The following CLOCK variants were observed in gnomAD, a reference collection of about 807,000 sequenced individuals.
The protein encoded by CLOCK is clock circadian regulator, also known as circadian locomoter output cycles protein kaput.
In CLOCK, 43 loss-of-function variants were observed where a neutral mutation model predicts 118.4. The observed-to-expected ratio is 0.36, with a 90% CI of 0.28 to 0.47. CLOCK has a LOEUF of 0.47. Among genes scored for constraint, CLOCK ranks in the 20% least tolerant of loss-of-function variants. CLOCK has a pLI of 1.00. For synonymous variants in CLOCK, 326 were observed against 339.2 expected (o/e 0.96, Z 0.43); for missense variants, 846 against 999.9 (o/e 0.85, Z 2.08).
At chr4:55,513,781 G>T (rs1344397135) in intron 1 of CLOCK, among the ~76,000 whole-genome samples, 1 of 151,942 alleles carries the variant, frequency 6.6e-6, no homozygotes, top group Non-Finnish European at 1.5e-5. Context: ...CCATGAACAT[G>T]TTATTTAGTT....
intron 3 of CLOCK, among the ~76,000 whole-genome samples, chr4:55,486,012 T>C (rs889618054): frequency 5.9e-5 from 9 of 152,224 alleles, no homozygotes; most frequent in African/African-American, 1.9e-4. Context: ...TCTGGTGATA[T>C]GACTTCCCAG....
intron 1 of CLOCK, among the ~76,000 whole-genome samples, chr4:55,543,266 G>C (rs1238151655): frequency 6.6e-6 from 1 of 152,046 alleles, no homozygotes; most frequent in Non-Finnish European, 1.5e-5. Context: ...CATAACAATT[G>C]GCCCCTCACT....
chr4:55,528,420 C>G (rs962752231), intron 1 of CLOCK, among the ~76,000 whole-genome samples: 1 of 152,094 alleles, frequency 6.6e-6, no homozygotes, highest in Non-Finnish European at 1.5e-5. Flanking sequence ...TCATCCCCCC[C>G]TCACTGCCTT....
chr4:55,501,461 AGGCTAGAGTGTGGTGGCC>A, intron 2 of CLOCK: 1 of 151,880 alleles, frequency 6.6e-6, no homozygotes, highest in Non-Finnish European at 1.5e-5. Flanking sequence ...TCTGTCACTC[AGGCTAGAGTGTGGTGGCC>A]TAATCACAGC....
intron 1 of CLOCK, among the ~76,000 whole-genome samples, chr4:55,518,362 C>A (rs530547784): frequency 2.5e-4 from 38 of 152,278 alleles, no homozygotes; most frequent in African/African-American, 8.7e-4. Flanking sequence ...CATAAGAGAT[C>A]TGGCAAAGAT....
chr4:55,453,799 T>C lies in CLOCK; in HGVS notation c.1008A>G (p.Ser336=), dbSNP rs1276328174. The change falls in exon 14 of 23, where the codon TCA becomes TCG. Residue 336 remains serine (S), a synonymous_variant. Transcript: ENST00000513440. Reference sequence around the variant, plus strand: ...CCTTAGTCAGGAACCTATAATAACATGATTTGCCTTTCCCATATTGCATTA... The same window carrying C: ...CCTTAGTCAGGAACCTATAATAACACGATTTGCCTTTCCCATATTGCATTA... The part of the protein sequence containing the change: ...EHLMQYGKGK[S]CYYRFLTKGQ... 1.9e-6 allele frequency: 3 copies of C among 1,607,018 alleles called. No individual in the cohort carries two copies. The highest frequency in any genetic ancestry group is 2.7e-5 in the African/African-American group (2 of 74,820).
At position 55,458,910 on chromosome 4, in the gene CLOCK, A is replaced by T; in HGVS notation, c.774T>A (p.Ala258=). 6.2e-7 allele frequency: 1 copy of T among 1,611,350 alleles called. No individual in the cohort carries two copies. ...AACATACCTTGATGAACTGAGGTGT[A>T]GCTAACCTGACAGTAGCTACAAAAC... ...RVCFVATVRL[A]TPQFIKEMCT... is the part of the protein sequence containing the mutation. Residue 258 remains alanine (A), a synonymous_variant, in exon 11 of 23, where the codon GCT becomes GCA. Transcript: ENST00000513440.
intron 2 of CLOCK, among the ~76,000 whole-genome samples, chr4:55,491,234 TAAAAAAA>T (rs34441416): frequency 1.5e-3 from 66 of 44,366 alleles, no homozygotes; most frequent in African/African-American, 5.1e-3. Context: ...GCAGGTGTGC[TAAAAAAA>T]AAAAAAAAAA....
intron 4 of CLOCK, among the ~76,000 whole-genome samples, chr4:55,481,236 G>T (rs1329226758): frequency 6.6e-6 from 1 of 151,880 alleles, no homozygotes; most frequent in Non-Finnish European, 1.5e-5. Context: ...TGGTGGAGGT[G>T]CATGTATGAA....
chr4:55,431,469 T>A lies in CLOCK; in HGVS notation c.*3946A>T, dbSNP rs1365497296. 1 of 152,244 alleles carries A rather than the reference T, an allele frequency of 6.6e-6. No individual in the cohort carries two copies. Among genetic ancestry groups the A allele is most frequent in the African/African-American group, 2.4e-5 (1 of 41,466 alleles). 9.4% of individuals were successfully genotyped at this position (152,244 alleles called of 1,614,324 possible). A position where few individuals can be genotyped will look rare whatever the true frequency, so the allele number is the denominator to read the frequency against. ...CACCCAATCCAAACTTAAAAGGTTC[T>A]CTTTCTCCAAACACTTAAAATGGCA... On this transcript the variant is annotated 3_prime_UTR_variant, in exon 23 of 23. Coordinates refer to ENST00000513440, the MANE Select transcript of CLOCK (RefSeq NM_004898.4).
At chr4:55,528,198 T>C (rs535584896) in intron 1 of CLOCK, among the ~76,000 whole-genome samples, 11 of 151,846 alleles carry the variant, frequency 7.2e-5, no homozygotes, top group African/African-American at 2.7e-4. Context: ...AATACAAAAT[T>C]AGCCAGGCCT....
intron 1 of CLOCK, among the ~76,000 whole-genome samples, chr4:55,518,677 CA>C (rs1417458418): frequency 6.6e-6 from 1 of 152,180 alleles, no homozygotes; most frequent in Non-Finnish European, 1.5e-5. Flanking sequence ...CCTCCCTTTC[CA>C]TCATGTGAGG....
chr4:55,542,321 G>C (rs188816684), intron 1 of CLOCK, among the ~76,000 whole-genome samples: 1 of 148,194 alleles, frequency 6.7e-6, no homozygotes, highest in Non-Finnish European at 1.5e-5. Context: ...TCCAGCCCGG[G>C]TGACAGAGAG....
At position 55,438,518 on chromosome 4, in the gene CLOCK, G is replaced by A. The variant is rs1336193487; in HGVS notation, c.2125C>T (p.Leu709Phe). 6.2e-7 allele frequency: 1 copy of A among 1,613,458 alleles called. No homozygotes were observed. The highest frequency in any genetic ancestry group is 1.3e-5 in the African/African-American group (1 of 74,906). The change falls in exon 22 of 23, where the codon CTT becomes TTT. Residue 709 changes from leucine to phenylalanine, a missense_variant. Physicochemically the swap from Leu to Phe is conservative, Grantham distance 22 (BLOSUM62 0). Around this residue, in one of 4 missense-constraint regions of CLOCK, gnomAD observed 520 missense variants for 558.0 expected, o/e 0.93. Coordinates refer to ENST00000513440, the MANE Select transcript of CLOCK (RefSeq NM_004898.4). ...GGAGCAGTCACTAATTTGGTCACAAGTTGTTGACCTTGAGAAAATCTGTTA... is the reference window on the plus strand; with the variant it reads ...GGAGCAGTCACTAATTTGGTCACAAATTGTTGACCTTGAGAAAATCTGTTA... Reference protein sequence around the residue: ...RQIRFSQGQQLVTKLVTAPVA... With the variant: ...RQIRFSQGQQFVTKLVTAPVA...
chr4:55,435,623 G>C (rs1478119821), intron 22 of CLOCK, 29 bp from the exon 23 acceptor site: 1 of 1,610,434 alleles, frequency 6.2e-7, no homozygotes, highest in South Asian at 1.1e-5. Flanking sequence ...ATGCAGCATT[G>C]CTTTACTCCC....
In CLOCK at chr4:55,434,229, C is replaced by T. The variant is rs1055500562; in HGVS notation, c.*1186G>A. On this transcript the variant is annotated 3_prime_UTR_variant, in exon 23 of 23. Coordinates refer to ENST00000513440, the MANE Select transcript of CLOCK (RefSeq NM_004898.4). ...AAGGCACTATGGGGTTTTTTCCCCT[C>T]AAATAACCCTGAATCATTTCTGACT... 12 of 152,528 alleles carry T rather than the reference C, an allele frequency of 7.9e-5. No individual in the cohort carries two copies. The highest frequency in any genetic ancestry group is 1.6e-4 in the Non-Finnish European group (11 of 68,016). The allele number at this position is 152,528 out of a possible 1,614,324, so 9.4% of individuals were successfully genotyped here.
rs558489758 is a variant in CLOCK at position 55,506,182 on chromosome 4, T to C, written c.-136+3730A>G. Among the ~76,000 whole-genome samples the C allele has an allele frequency of 2.0e-5, 3 of 152,300 alleles. No homozygotes were observed. The East Asian group carries it at 5.8e-4, about 29-fold the overall frequency. On this transcript the variant is annotated intron_variant, in intron 2 of 22. Coordinates refer to ENST00000513440, the MANE Select transcript of CLOCK (RefSeq NM_004898.4). ...AGCTGTCATGTCTACCCAGACTTCT[T>C]TAAGCTGAAACACTTTTCTTTCAGT...
intron 1 of CLOCK, among the ~76,000 whole-genome samples, chr4:55,532,503 T>A (rs544503102): frequency 3.3e-5 from 5 of 152,142 alleles, no homozygotes; most frequent in Admixed American, 2.6e-4. Flanking sequence ...ATCAGTTGCA[T>A]TTCTATACAC....
chr4:55,529,755 T>C (rs1308595560), intron 1 of CLOCK, among the ~76,000 whole-genome samples: 1 of 152,234 alleles, frequency 6.6e-6, no homozygotes, highest in Non-Finnish European at 1.5e-5. Flanking sequence ...CCCATTGTCA[T>C]GGTTTTGAAG....
Sources: allele counts gnomAD v4.1 joint callset (sites outside exome capture counted in the v4.1 genomes callset), GRCh38; gene constraint gnomAD v4.1.1; regional missense constraint gnomAD v4.1.1; transcripts MANE v1.5; gene names NCBI Gene and HGNC (gene_info 2026-07-23, HGNC 2026-07-21).